SELENOV: variants seen among roughly 807,000 people sequenced by gnomAD.
SELENOV encodes the protein selenoprotein V.
SELENOV carries 25 observed loss-of-function variants against 21.6 expected under a neutral mutation model. The observed-to-expected ratio is 1.16, with a 90% CI of 0.84 to 1.62. SELENOV has a LOEUF of 1.62. Among genes scored for constraint, SELENOV ranks in the 40% most tolerant of loss-of-function variants. SELENOV has a pLI of 0.00. For missense variants in SELENOV, 472 were observed against 459.0 expected (o/e 1.03, Z -0.26); for synonymous variants, 227 against 216.9 (o/e 1.05, Z -0.41).
chr19:39,518,127 C>T (rs1411073037), intron 1 of SELENOV, among the ~76,000 whole-genome samples: 1 of 151,236 alleles, frequency 6.6e-6, no homozygotes, highest in Non-Finnish European at 1.5e-5. Flanking sequence ...AAAAATTACC[C>T]GGGCGTGGTG....
chr19:39,519,790 C>T (rs1054740629), intron 5 of SELENOV, among the ~76,000 whole-genome samples: 2 of 151,626 alleles, frequency 1.3e-5, no homozygotes, highest in Admixed American at 6.6e-5. Context: ...ACGGTGAAAC[C>T]TTGTCTGTAC....
Position 39,518,592 on chromosome 19 carries a change from T to G in SELENOV, c.810-16T>G. 1.3e-6 allele frequency: 2 copies of G among 1,594,914 alleles called. No individual in the cohort carries two copies. Among genetic ancestry groups the G allele is most frequent in the Non-Finnish European group, 1.7e-6 (2 of 1,169,404 alleles). On this transcript the variant is annotated splice_polypyrimidine_tract_variant and intron_variant, in intron 1 of 5. Transcript: ENST00000335426. ...GGTCTCTCTCTTAACTTTCTCCTCC[T>G]GCTCTTGGCCTCCAGTGGCCTCTGA...
rs77017628 is a variant in SELENOV at position 39,516,102 on chromosome 19, C to T, written c.809+81C>T. The T allele has an allele frequency of 6.4e-3, 8,245 of 1,292,534 alleles. 279 individuals are homozygous for T. In the African/African-American group the frequency reaches 0.085, roughly 13 times the overall value. The allele number at this position is 1,292,534 out of a possible 1,614,324, so 80.1% of individuals were successfully genotyped here. On this transcript the variant is annotated intron_variant, in intron 1 of 5. Coordinates refer to ENST00000335426, the Ensembl canonical transcript of SELENOV. ...GCTGGGTCTCCGGGGACGTGGAGGT[C>T]AGGGTTGGGGTAGGGCGAGGGGAGG... is the stretch of plus-strand genomic sequence containing the variant.
At chr19:39,516,393 C>T (rs1423999465) in intron 1 of SELENOV, 3 of 394,832 alleles carry the variant, frequency 7.6e-6, no homozygotes, top group African/African-American at 2.1e-5. Flanking sequence ...CCTTCCCAGC[C>T]TCTCTCCTGC....
At position 39,515,604 on chromosome 19, in the gene SELENOV, T is replaced by C. The variant is rs2079691645; in HGVS notation, c.392T>C (p.Leu131Pro). ...CCAGCCCCAGCCCCAGCCCAGCTCC[T>C]GGCAGGGATTCGGGCCGCGCTCCCC... Residue 131 changes from leucine (L) to proline (P), a missense_variant, in exon 1 of 6, where the codon CTG (leucine) becomes CCG (proline). Coordinates refer to ENST00000335426, the Ensembl canonical transcript of SELENOV. The surrounding 1 kb of genome is among the most constrained non-coding windows in gnomAD (Gnocchi z 5.1). 6.5e-7 allele frequency: 1 copy of C among 1,548,720 alleles called. No homozygotes were observed. Among genetic ancestry groups the C allele is most frequent in the Non-Finnish European group, 8.7e-7 (1 of 1,146,850 alleles).
At chr19:39,519,591 A>G (rs2079718262) in intron 5 of SELENOV, among the ~76,000 whole-genome samples, 1 of 151,980 alleles carries the variant, frequency 6.6e-6, no homozygotes, top group Non-Finnish European at 1.5e-5. Flanking sequence ...GCTTGAGCCC[A>G]GGAGTTAGAG....
rs1448366272 is a variant in SELENOV, at chr19:39,515,895, C to T, written c.683C>T (p.Pro228Leu). ...CTGGCGGATCCCCCCATTCCCAGTC[C>T]TGTCCCCTCGCCCATCCTGGGGACC... The change falls in exon 1 of 6, where the codon CCT (proline) becomes CTT (leucine). Residue 228 changes from proline (P) to leucine (L), a missense_variant. By Grantham distance (98) the Pro-to-Leu change is moderately conservative (BLOSUM62 -3). Transcript: ENST00000335426. This position sits in a 1 kb window ranked among gnomAD's most constrained non-coding sequence, Gnocchi z 5.1. 1.9e-6 allele frequency: 3 copies of T among 1,578,730 alleles called. No homozygotes were observed. The highest frequency in any genetic ancestry group is 1.4e-5 in the African/African-American group (1 of 73,980).
chr19:39,516,899 A>G (rs966483955), intron 1 of SELENOV, among the ~76,000 whole-genome samples: 2 of 151,556 alleles, frequency 1.3e-5, no homozygotes, highest in African/African-American at 4.9e-5. Flanking sequence ...GGGTTTCACC[A>G]TGTTGGCCAG....
Position 39,515,953 on chromosome 19 carries a change from G to A in SELENOV, c.741G>A (p.Thr247=), listed in dbSNP as rs749081612. 2.7e-5 allele frequency: 43 copies of A among 1,608,252 alleles called. No homozygotes were observed. Among genetic ancestry groups the A allele is most frequent in the Non-Finnish European group, 3.6e-5 (42 of 1,177,992 alleles). ...CGGCCATCTCCTTACAGAATTGTAC[G>A]GAAACCTTCCCCTCCTCCAGCGAGA... is the stretch of plus-strand genomic sequence containing the variant. Residue 247 remains threonine, a synonymous_variant, in exon 1 of 6, where the codon ACG becomes ACA. Coordinates refer to ENST00000335426, the Ensembl canonical transcript of SELENOV. The surrounding 1 kb of genome is among the most constrained non-coding windows in gnomAD (Gnocchi z 5.1).
Position 39,515,483 on chromosome 19 carries a change from GCCTGGATC to G in SELENOV, c.275_282del (p.Trp92TyrfsTer76). On this transcript the variant is annotated frameshift_variant, in exon 1 of 6. Transcript: ENST00000335426. LOFTEE classifies it high-confidence loss of function. This position sits in a 1 kb window ranked among gnomAD's most constrained non-coding sequence, Gnocchi z 5.1. ...CCGTCTGGTTCCGCCTCCTGCTCCGGCCTGGATCCCTACTCCGGTGCCGACTCCCGTTC... is the reference window on the plus strand; with the variant it reads ...CCGTCTGGTTCCGCCTCCTGCTCCGGCCTACTCCGGTGCCGACTCCCGTTC... The G allele has an allele frequency of 1.3e-6, 2 of 1,551,106 alleles. No homozygotes were observed. Among genetic ancestry groups the G allele is most frequent in the Middle Eastern group, 3.3e-4 (2 of 5,992 alleles).
rs531307631 is a variant in SELENOV at position 39,518,822 on chromosome 19, G to C, written c.888+29G>C. On this transcript the variant is annotated intron_variant, in intron 3 of 5. Transcript: ENST00000335426. ...AGTGTGTGGGGGTCCTGGGGGAGAG[G>C]GGGGTGGTCAGGGATCTGAGATCCC... 45 of 1,613,224 alleles carry C rather than the reference G, an allele frequency of 2.8e-5. No individual in the cohort carries two copies. The South Asian group carries it at 3.7e-4, about 13-fold the overall frequency.
chr19:39,520,174 G>A (rs182982528), exon 6 of SELENOV: 1 of 152,676 alleles, frequency 6.5e-6, no homozygotes, highest in Non-Finnish European at 1.5e-5. Context: ...GAGAAGGGCT[G>A]AAATGTTGCC....
chr19:39,520,232 G>A (rs759673299), exon 6 of SELENOV: 1 of 152,596 alleles, frequency 6.6e-6, no homozygotes, highest in Admixed American at 6.6e-5. Context: ...TGAGCTCAGG[G>A]AGGGGAAGAG....
At chr19:39,517,148 C>T (rs966598745) in intron 1 of SELENOV, among the ~76,000 whole-genome samples, 5 of 152,054 alleles carry the variant, frequency 3.3e-5, no homozygotes, top group Admixed American at 6.6e-5. Flanking sequence ...TGTGAGCCAC[C>T]GTGCCCAGCC....
chr19:39,515,773 C>CA lies in SELENOV; in HGVS notation c.561_562insA (p.Ala188SerfsTer89), dbSNP rs2079693332. 3 of 1,549,194 alleles carry CA rather than the reference C, an allele frequency of 1.9e-6. No individual in the cohort carries two copies. ...CGTCGGTCTCCAGCGAGGCCGGGCCCGCCCCGGGGCCCCTTCCCACGCGCA... is the reference window on the plus strand; with the variant it reads ...CGTCGGTCTCCAGCGAGGCCGGGCCCAGCCCCGGGGCCCCTTCCCACGCGCA... On this transcript the variant is annotated frameshift_variant, in exon 1 of 6. Coordinates refer to ENST00000335426, the Ensembl canonical transcript of SELENOV. LOFTEE classifies it high-confidence loss of function. The surrounding 1 kb of genome is among the most constrained non-coding windows in gnomAD (Gnocchi z 5.1).
In SELENOV at chr19:39,515,708, G is replaced by A. The variant is rs1244452481; in HGVS notation, c.496G>A (p.Glu166Lys). Residue 166 changes from glutamate to lysine, a missense_variant, in exon 1 of 6, where the codon GAG becomes AAG. Physicochemically the swap from Glu to Lys is moderately conservative, Grantham distance 56 (BLOSUM62 1). Coordinates refer to ENST00000335426, the Ensembl canonical transcript of SELENOV. The surrounding 1 kb of genome is among the most constrained non-coding windows in gnomAD (Gnocchi z 5.1). ...TGCTCCGGAGCTGCCTTTGTTGCCCGAGGAGGACCCTGAGCCGGCGCCGAG... is the reference window on the plus strand; with the variant it reads ...TGCTCCGGAGCTGCCTTTGTTGCCCAAGGAGGACCCTGAGCCGGCGCCGAG... The A allele has an allele frequency of 4.5e-6, 7 of 1,549,370 alleles. No individual in the cohort carries two copies. The Admixed American group carries it at 1.2e-4, about 26-fold the overall frequency.
chr19:39,517,724 G>C (rs548106877), intron 1 of SELENOV, among the ~76,000 whole-genome samples: 1 of 152,042 alleles, frequency 6.6e-6, no homozygotes, highest in Non-Finnish European at 1.5e-5. Context: ...GGAGGCCAAG[G>C]TGAGTGGATC....
At chr19:39,517,909 G>A (rs1176260682) in intron 1 of SELENOV, among the ~76,000 whole-genome samples, 1 of 137,782 alleles carries the variant, frequency 7.3e-6, no homozygotes, top group Non-Finnish European at 1.5e-5. Flanking sequence ...AGGTTGCAGT[G>A]AGCCGAGATC....
intron 1 of SELENOV, chr19:39,516,364 T>C: frequency 1.6e-5 from 7 of 432,310 alleles, no homozygotes; most frequent in South Asian, 1.3e-4. Context: ...ACACCGCACA[T>C]GATAGGGGCT....
Sources: allele counts gnomAD v4.1 joint callset (sites outside exome capture counted in the v4.1 genomes callset), GRCh38; gene constraint gnomAD v4.1.1; non-coding constraint Gnocchi (gnomAD v3.1); transcripts MANE v1.5; gene names NCBI Gene and HGNC (gene_info 2026-07-23, HGNC 2026-07-21).